The following RARB variants were observed in gnomAD, a reference collection of about 807,000 sequenced individuals.
RARB encodes the protein HBV-activated protein.
A neutral mutation model predicts 51.9 loss-of-function variants in RARB; 17 were observed. That is an observed-to-expected ratio of 0.33 (90% CI 0.22 to 0.49). The LOEUF (loss-of-function observed/expected upper bound fraction) is 0.49, where lower values mean the gene tolerates loss of function less well. RARB is among the 20% of genes least tolerant of loss of function. The pLI is 0.99. For missense variants in RARB, 369 were observed against 550.8 expected, an observed-to-expected ratio of 0.67 and a Z score of 3.30; for synonymous variants, 215 against 195.4, an observed-to-expected ratio of 1.10 and a Z score of -0.84.
intron 4 of RARB, among the ~76,000 whole-genome samples, chr3:25,169,122 A>T (rs1559490316): frequency 6.6e-6 from 1 of 152,218 alleles, no homozygotes; most frequent in South Asian, 2.1e-4. Flanking sequence ...GTGAAGTGCA[A>T]CACAAAAATA....
chr3:25,586,404 A>G (rs1376793931), intron 5 of RARB, among the ~76,000 whole-genome samples: 1 of 152,176 alleles, frequency 6.6e-6, no homozygotes, highest in Non-Finnish European at 1.5e-5. Flanking sequence ...TCGCCGTGGC[A>G]GGGTTCCAGG....
At chr3:25,108,168 C>T (rs920031877) in intron 3 of RARB, among the ~76,000 whole-genome samples, 13 of 152,076 alleles carry the variant, frequency 8.5e-5, no homozygotes, top group African/African-American at 3.1e-4. Flanking sequence ...ACTACTCAGT[C>T]CACAACTGAA....
intron 2 of RARB, among the ~76,000 whole-genome samples, chr3:24,871,360 C>T (rs979040445): frequency 3.9e-5 from 6 of 152,122 alleles, no homozygotes; most frequent in East Asian, 1.9e-4. Context: ...ACTCTTCATC[C>T]TATTTTAGCT....
At chr3:25,533,621 C>G (rs1699016419) in intron 3 of RARB, among the ~76,000 whole-genome samples, 1 of 152,122 alleles carries the variant, frequency 6.6e-6, no homozygotes, top group Non-Finnish European at 1.5e-5. Context: ...AACGATATAT[C>G]TAGGTTTCTA....
chr3:24,982,898 C>A (rs1696707885), intron 2 of RARB, among the ~76,000 whole-genome samples: 1 of 152,182 alleles, frequency 6.6e-6, no homozygotes, highest in Middle Eastern at 3.2e-3. Context: ...TGTCCTATGT[C>A]TTCATGACCT....
chr3:25,023,804 ACAT>A (rs752987598), intron 2 of RARB, among the ~76,000 whole-genome samples: 16 of 152,232 alleles, frequency 1.1e-4, no homozygotes, highest in Non-Finnish European at 2.2e-4. Flanking sequence ...TCAAATGACA[ACAT>A]AACAATCTGG....
intron 4 of RARB, among the ~76,000 whole-genome samples, chr3:25,142,202 C>T (rs749862122): frequency 3.9e-5 from 6 of 152,122 alleles, no homozygotes; most frequent in Non-Finnish European, 7.4e-5. Context: ...GGCATGGTGG[C>T]GGGCACCTGT....
intron 3 of RARB, among the ~76,000 whole-genome samples, chr3:25,558,529 C>CTT (rs55699410): frequency 3.1e-5 from 4 of 129,546 alleles, no homozygotes; most frequent in East Asian, 2.2e-4. Context: ...GTTCCTGGCC[C>CTT]TTTTTTTTTT....
At chr3:24,955,037 C>T (rs1695979958) in intron 2 of RARB, among the ~76,000 whole-genome samples, 1 of 152,184 alleles carries the variant, frequency 6.6e-6, no homozygotes, top group African/African-American at 2.4e-5. Flanking sequence ...CCTTTTACAT[C>T]CTGCCCTCTT....
chr3:24,949,367 T>C (rs986685506), intron 2 of RARB, among the ~76,000 whole-genome samples: 2 of 152,076 alleles, frequency 1.3e-5, no homozygotes, highest in East Asian at 1.9e-4. Flanking sequence ...CCCCTGAACA[T>C]ATTGTACAAG....
chr3:25,102,987 T>A (rs566115571), intron 3 of RARB, among the ~76,000 whole-genome samples: 9 of 152,134 alleles, frequency 5.9e-5, no homozygotes, highest in South Asian at 2.1e-4. Context: ...GAGGCAGAGG[T>A]TGCAGTGAGC....
intron 5 of RARB, among the ~76,000 whole-genome samples, chr3:25,405,929 C>A (rs79113274): frequency 6.7e-6 from 1 of 149,402 alleles, no homozygotes; most frequent in Non-Finnish European, 1.5e-5. Flanking sequence ...TCCAGAGGGA[C>A]GGCATGAGCC....
intron 3 of RARB, among the ~76,000 whole-genome samples, chr3:25,553,060 C>T (rs1699912561): frequency 6.6e-6 from 1 of 151,920 alleles, no homozygotes; most frequent in South Asian, 2.1e-4. Context: ...CTATAATTCA[C>T]TTGGTGAATA....
At chr3:25,011,228 G>T (rs1456516642) in intron 2 of RARB, among the ~76,000 whole-genome samples, 1 of 152,108 alleles carries the variant, frequency 6.6e-6, no homozygotes. Flanking sequence ...ATGAGTGAAT[G>T]ATGTAGTACC....
At chr3:25,307,302 G>A (rs866908065) in intron 5 of RARB, among the ~76,000 whole-genome samples, 56 of 151,780 alleles carry the variant, frequency 3.7e-4, no homozygotes, top group Middle Eastern at 6.8e-3. Flanking sequence ...CACAAGAATC[G>A]CTTGAACCTA....
At chr3:25,028,767 T>C (rs753817332) in intron 2 of RARB, among the ~76,000 whole-genome samples, 41 of 152,284 alleles carry the variant, frequency 2.7e-4, no homozygotes, top group Admixed American at 7.2e-4. Context: ...GTCCTATAAC[T>C]TTGAGGAAGT....
intron 5 of RARB, among the ~76,000 whole-genome samples, chr3:25,386,881 C>T (rs1484564113): frequency 1.3e-5 from 2 of 152,314 alleles, no homozygotes; most frequent in South Asian, 4.1e-4. Flanking sequence ...AAATGATTCT[C>T]ATTTACTTAC....
chr3:24,881,040 G>A (rs1022864834), intron 2 of RARB, among the ~76,000 whole-genome samples: 1 of 152,140 alleles, frequency 6.6e-6, no homozygotes, highest in African/African-American at 2.4e-5. Flanking sequence ...TGGATCATGG[G>A]GTTGGTTTCC....
At chr3:25,547,637 A>G (rs1699667242) in intron 3 of RARB, among the ~76,000 whole-genome samples, 1 of 152,172 alleles carries the variant, frequency 6.6e-6, no homozygotes, top group African/African-American at 2.4e-5. Context: ...TAAGCTGAAT[A>G]TACTCAAAAG....
Sources: gnomAD v4.1 joint callset for allele counts (sites outside exome capture counted in the v4.1 genomes callset) on GRCh38, gnomAD v4.1.1 for gene constraint, MANE v1.5 for transcripts, NCBI Gene and HGNC (gene_info 2026-07-23, HGNC 2026-07-21) for gene names.